DPP6: variants seen among roughly 807,000 people sequenced by gnomAD.
DPP6 encodes the protein dipeptidyl peptidase like 6, also known as A-type potassium channel modulatory protein DPP6.
DPP6 carries 69 observed loss-of-function variants against 122.6 expected under a neutral mutation model. The ratio of observed to expected loss-of-function variants is 0.56; its 90% CI spans 0.46 to 0.69. The LOEUF is 0.69. Among genes scored for constraint, DPP6 ranks in the 30% least tolerant of loss-of-function variants. DPP6 has a pLI of 0.00. For missense variants in DPP6, 928 were observed against 1,116.9 expected, an observed-to-expected ratio of 0.83 and a Z score of 2.41; for synonymous variants, 418 against 433.1, an observed-to-expected ratio of 0.97 and a Z score of 0.43.
At chr7:154,509,540 G>T (rs1158531098) in intron 3 of DPP6, among the ~76,000 whole-genome samples, 1 of 152,164 alleles carries the variant, frequency 6.6e-6, no homozygotes, top group African/African-American at 2.4e-5. Context: ...ATGGAAAATG[G>T]TGTAACCACT....
chr7:154,273,201 C>T (rs1466411077), intron 1 of DPP6, among the ~76,000 whole-genome samples: 2 of 152,176 alleles, frequency 1.3e-5, no homozygotes, highest in African/African-American at 2.4e-5. Context: ...ATGTAGAGAG[C>T]TGCCTCTTTG....
At chr7:154,693,425 T>A (rs1840042480) in intron 7 of DPP6, among the ~76,000 whole-genome samples, 1 of 152,212 alleles carries the variant, frequency 6.6e-6, no homozygotes, top group Admixed American at 6.5e-5. Context: ...TTCATTTTGC[T>A]CACATTTTGG....
chr7:154,601,726 CT>C (rs1389610948), intron 5 of DPP6, among the ~76,000 whole-genome samples: 1 of 120,236 alleles, frequency 8.3e-6, no homozygotes, highest in African/African-American at 2.6e-5. Context: ...ATTATGGCCC[CT>C]GAGCCTAATT....
At chr7:154,506,638 A>G (rs1347715171) in intron 3 of DPP6, among the ~76,000 whole-genome samples, 1 of 152,168 alleles carries the variant, frequency 6.6e-6, no homozygotes, top group Non-Finnish European at 1.5e-5. Flanking sequence ...CCAATTTTAA[A>G]GCAACTTCTT....
intron 8 of DPP6, among the ~76,000 whole-genome samples, chr7:154,749,363 G>T (rs78423051): frequency 3.2e-5 from 4 of 124,130 alleles, no homozygotes; most frequent in Admixed American, 7.5e-5. Context: ...TACTGAGAGA[G>T]GGTGAGAGCA....
At chr7:153,771,857 A>G in the DPP6 span, among the ~76,000 whole-genome samples, 5 of 152,256 alleles carry the variant, frequency 3.3e-5, no homozygotes, top group Admixed American at 2.0e-4. Context: ...TACCAGAAAG[A>G]AACTTATATC....
chr7:153,848,617 G>A, the DPP6 span, among the ~76,000 whole-genome samples: 1 of 152,094 alleles, frequency 6.6e-6, no homozygotes, highest in African/African-American at 2.4e-5. Flanking sequence ...CTCTACAACT[G>A]TCAAATGGTT....
chr7:153,941,163 C>T (rs6973850), intron 1 of DPP6, among the ~76,000 whole-genome samples: 21,753 of 152,228 alleles, frequency 0.14, 1,789 homozygotes, highest in African/African-American at 0.22. Context: ...TCGTGCATAG[C>T]AGGCATGGAA....
chr7:154,026,677 C>G (rs1798969795), intron 1 of DPP6: 1 of 150,956 alleles, frequency 6.6e-6, no homozygotes, highest in South Asian at 2.1e-4. Context: ...TTCAAGTGTC[C>G]TTAGTGAGTT....
intron 17 of DPP6, among the ~76,000 whole-genome samples, chr7:154,856,881 T>C (rs951293177): frequency 6.6e-6 from 1 of 152,250 alleles, no homozygotes; most frequent in African/African-American, 2.4e-5. Flanking sequence ...TGGCGTTACA[T>C]GCCTGTACTC....
At position 154,240,940 on chromosome 7, in the gene DPP6, T is replaced by C. The variant is rs75854451; in HGVS notation, c.243+187877T>C. ...TGATATCATATACTTGGTATTTTCA[T>C]GATTTATTGGTGGCCTGGACCAATA... On this transcript the variant is annotated intron_variant, in intron 1 of 25. Transcript: ENST00000377770. 9.6e-4 allele frequency among the ~76,000 whole-genome samples: 146 copies of C among 152,306 alleles called. 2 individuals are homozygous for C. The East Asian group carries it at 0.024, about 25-fold the overall frequency.
At chr7:154,569,616 CTA>C (rs1830983609) in intron 5 of DPP6, among the ~76,000 whole-genome samples, 1 of 151,628 alleles carries the variant, frequency 6.6e-6, no homozygotes, top group African/African-American at 2.4e-5. Context: ...ATTAAAAAGA[CTA>C]TCATAAAATT....
At chr7:154,051,349 G>A (rs377371714), upstream of DPP6, among the ~76,000 whole-genome samples, 293 of 142,264 alleles carry the variant, frequency 2.1e-3, no homozygotes, top group African/African-American at 7.5e-3. Context: ...GAAGGGGCGC[G>A]CAAGGAGGAC....
intron 1 of DPP6, among the ~76,000 whole-genome samples, chr7:154,216,565 T>G (rs771577524): frequency 6.6e-6 from 1 of 152,154 alleles, no homozygotes; most frequent in African/African-American, 2.4e-5. Context: ...TTCTTACAAA[T>G]CCACCTTCAT....
intron 1 of DPP6, among the ~76,000 whole-genome samples, chr7:154,431,436 T>C (rs1402350527): frequency 1.1e-5 from 1 of 93,728 alleles, no homozygotes; most frequent in African/African-American, 3.4e-5. Context: ...GCTCTGTTTT[T>C]CTTTCCTTTC....
At position 154,772,833 on chromosome 7, in the gene DPP6, T is replaced by G. The variant is rs771522684; in HGVS notation, c.1039-12T>G. On this transcript the variant is annotated splice_polypyrimidine_tract_variant and intron_variant, in intron 9 of 25. Coordinates refer to ENST00000377770, the MANE Select transcript of DPP6 (RefSeq NM_130797.4). ...CTGCTTGTTCATGTCTCTGCCCCTT[T>G]TTAATCCCCAGGCTGGAAGTGAGAA... 2.5e-6 allele frequency: 4 copies of G among 1,610,256 alleles called. No homozygotes were observed. The highest frequency in any genetic ancestry group is 3.4e-6 in the Non-Finnish European group (4 of 1,178,576).
intron 3 of DPP6, among the ~76,000 whole-genome samples, chr7:154,523,149 T>G (rs1827135570): frequency 3.3e-5 from 5 of 152,216 alleles, no homozygotes; most frequent in Admixed American, 3.3e-4. Flanking sequence ...TGCTCCATTT[T>G]TTATGAAATA....
upstream of DPP6, among the ~76,000 whole-genome samples, chr7:153,884,044 G>A (rs1798827784): frequency 6.6e-6 from 1 of 152,026 alleles, no homozygotes; most frequent in Admixed American, 6.6e-5. Flanking sequence ...AAGTTCTAGG[G>A]TACATGTGCA....
At chr7:153,864,681 A>T in the DPP6 span, among the ~76,000 whole-genome samples, 2 of 34,256 alleles carry the variant, frequency 5.8e-5, no homozygotes, top group African/African-American at 9.8e-5. Context: ...ATACACACAC[A>T]CACACACACA....
Sources: allele counts gnomAD v4.1 joint callset (sites outside exome capture counted in the v4.1 genomes callset), GRCh38; gene constraint gnomAD v4.1.1; transcripts MANE v1.5; gene names NCBI Gene and HGNC (gene_info 2026-07-23, HGNC 2026-07-21).